Variants in ATOSB observed in about 807,000 individuals in gnomAD.
The protein encoded by ATOSB is atos homolog B, also known as atos homolog protein B.
the ATOSB span, among the ~76,000 whole-genome samples, chr9:35,114,029 A>G: frequency 6.6e-6 from 1 of 152,220 alleles, no homozygotes. Context: ...TGTATAAACA[A>G]TGACTGCTGA....
At chr9:35,111,991 C>T in the ATOSB span, among the ~76,000 whole-genome samples, 9 of 152,190 alleles carry the variant, frequency 5.9e-5, no homozygotes, top group Non-Finnish European at 1.3e-4. Context: ...CAAAGTCTGC[C>T]TGCTGTCTAT....
chr9:35,106,985 C>T, the ATOSB span: 15 of 1,104,624 alleles, frequency 1.4e-5, no homozygotes, highest in East Asian at 3.6e-4. This position sits in a 1 kb window ranked among gnomAD's most constrained non-coding sequence, Gnocchi z 4.6. Flanking sequence ...GAACACCCTG[C>T]CCCCCAGGCC....
At chr9:35,105,668 G>A in the ATOSB span, 1 of 1,611,964 alleles carries the variant, frequency 6.2e-7, no homozygotes, top group African/African-American at 1.3e-5. This position sits in a 1 kb window ranked among gnomAD's most constrained non-coding sequence, Gnocchi z 5.5. Flanking sequence ...GCCATCCCTG[G>A]GCCCTCTCCT....
the ATOSB span, chr9:35,109,042 C>T: frequency 6.6e-6 from 1 of 152,214 alleles, no homozygotes; most frequent in Non-Finnish European, 1.5e-5. Context: ...TGAGAGACCC[C>T]CAAGATCCAA....
At chr9:35,108,039 A>G in the ATOSB span, 11 of 1,540,034 alleles carry the variant, frequency 7.1e-6, no homozygotes, top group Non-Finnish European at 8.7e-6. Flanking sequence ...GCCTCTCTTC[A>G]GCTCCCGGGG....
chr9:35,108,368 G>A, the ATOSB span: 14 of 1,426,666 alleles, frequency 9.8e-6, no homozygotes, highest in Non-Finnish European at 1.3e-5. Flanking sequence ...GAGAAGAGAA[G>A]AAAAGGTGGT....
chr9:35,114,024 A>G, the ATOSB span, among the ~76,000 whole-genome samples: 1 of 152,216 alleles, frequency 6.6e-6, no homozygotes, highest in Non-Finnish European at 1.5e-5. Flanking sequence ...GTGTTTGTAT[A>G]AACAATGACT....
the ATOSB span, chr9:35,105,596 A>G: frequency 2.2e-6 from 3 of 1,388,710 alleles, no homozygotes; most frequent in Non-Finnish European, 3.0e-6. This position sits in a 1 kb window ranked among gnomAD's most constrained non-coding sequence, Gnocchi z 5.5. Context: ...CTAAGCAAGA[A>G]TCCGGACAGT....
At chr9:35,104,688 C>T in the ATOSB span, 1 of 368,178 alleles carries the variant, frequency 2.7e-6, no homozygotes, top group South Asian at 2.0e-5. Context: ...GCTACTGACT[C>T]AGTCCCTCTG....
chr9:35,110,872 G>A, the ATOSB span: 1 of 152,214 alleles, frequency 6.6e-6, no homozygotes, highest in South Asian at 2.1e-4. Flanking sequence ...GTGACAGGAT[G>A]AATTCCTATC....
chr9:35,106,590 G>C, the ATOSB span: 2 of 1,568,158 alleles, frequency 1.3e-6, no homozygotes, highest in Non-Finnish European at 1.7e-6. This position sits in a 1 kb window ranked among gnomAD's most constrained non-coding sequence, Gnocchi z 4.6. Flanking sequence ...AACAGGGGAG[G>C]CACTGGGGGG....
the ATOSB span, among the ~76,000 whole-genome samples, chr9:35,115,238 A>G: frequency 1.4e-4 from 22 of 151,842 alleles, no homozygotes; most frequent in South Asian, 4.4e-3. Flanking sequence ...GCAGGGTCTG[A>G]CTCCTCTCTG....
the ATOSB span, chr9:35,112,504 G>A: frequency 6.6e-6 from 1 of 152,248 alleles, no homozygotes; most frequent in African/African-American, 2.4e-5. Context: ...TTCAGACCCA[G>A]TCAAATCAAA....
chr9:35,106,954 G>T, the ATOSB span: 1 of 1,434,328 alleles, frequency 7.0e-7, no homozygotes, highest in Non-Finnish European at 9.6e-7. The surrounding 1 kb of genome is among the most constrained non-coding windows in gnomAD (Gnocchi z 4.6). Flanking sequence ...TGGGGCAGAA[G>T]CTCATCACAA....
chr9:35,113,037 G>T, the ATOSB span, among the ~76,000 whole-genome samples: 5 of 152,124 alleles, frequency 3.3e-5, no homozygotes, highest in Non-Finnish European at 7.4e-5. Context: ...TGACTTCCTT[G>T]CCGGTTCCCT....
chr9:35,104,298 T>C, the ATOSB span: 1 of 152,208 alleles, frequency 6.6e-6, no homozygotes, highest in South Asian at 2.0e-4. Flanking sequence ...GAGTCTGGAG[T>C]GGGGAATGGG....
At chr9:35,107,319 CAAAAAAA>C in the ATOSB span, 382 of 1,160,964 alleles carry the variant, frequency 3.3e-4, no homozygotes, top group Middle Eastern at 1.9e-3. Flanking sequence ...GATCCCATCT[CAAAAAAA>C]AAAAAAAAAA....
At chr9:35,106,767 T>G in the ATOSB span, 2 of 1,531,994 alleles carry the variant, frequency 1.3e-6, no homozygotes, top group Admixed American at 3.9e-5. The surrounding 1 kb of genome is among the most constrained non-coding windows in gnomAD (Gnocchi z 4.6). Context: ...ACTCGGATGC[T>G]GGAAAGAGTA....
chr9:35,107,201 T>C, the ATOSB span, among the ~76,000 whole-genome samples: 1 of 150,852 alleles, frequency 6.6e-6, no homozygotes, highest in African/African-American at 2.4e-5. Context: ...CATGTGCCTG[T>C]GGTCCCAGAT....
Sources: allele counts gnomAD v4.1 joint callset (sites outside exome capture counted in the v4.1 genomes callset), GRCh38; gene constraint gnomAD v4.1.1; non-coding constraint Gnocchi (gnomAD v3.1); transcripts MANE v1.5; gene names NCBI Gene and HGNC (gene_info 2026-07-23, HGNC 2026-07-21).